The following ARHGAP23 variants were observed in gnomAD, a reference collection of about 807,000 sequenced individuals.
ARHGAP23 encodes rho GTPase-activating protein 23.
A neutral mutation model predicts 136.3 loss-of-function variants in ARHGAP23; 34 were observed. The ratio of observed to expected loss-of-function variants is 0.25; its 90% CI spans 0.19 to 0.33. The LOEUF (loss-of-function observed/expected upper bound fraction) is 0.33. ARHGAP23 is among the 10% of genes least tolerant of loss of function. ARHGAP23 has a pLI of 1.00. For synonymous variants in ARHGAP23, 832 were observed against 920.5 expected, an observed-to-expected ratio of 0.90 and a Z score of 1.74; for missense variants, 1,808 against 2,139.0, an observed-to-expected ratio of 0.85 and a Z score of 3.05.
At chr17:38,436,690 A>T (rs892200781) in intron 1 of ARHGAP23, among the ~76,000 whole-genome samples, 3 of 152,218 alleles carry the variant, frequency 2.0e-5, no homozygotes, top group African/African-American at 7.2e-5. Context: ...CTGTAGAACC[A>T]TGAGTTCTAA....
chr17:38,500,309 G>C, intron 22 of ARHGAP23: 1 of 481,666 alleles, frequency 2.1e-6, no homozygotes, highest in South Asian at 2.9e-5. Flanking sequence ...CAGGCTCAAA[G>C]ACAATGCCCC....
chr17:38,508,503 G>GTGC (rs986363623), intron 23 of ARHGAP23, among the ~76,000 whole-genome samples: 13 of 152,190 alleles, frequency 8.5e-5, no homozygotes, highest in Non-Finnish European at 1.8e-4. Context: ...ATCCTGGTGG[G>GTGC]TGCTGGGGCA....
intron 1 of ARHGAP23, among the ~76,000 whole-genome samples, chr17:38,449,959 G>A (rs1194271537): frequency 6.6e-6 from 1 of 152,172 alleles, no homozygotes; most frequent in Non-Finnish European, 1.5e-5. Flanking sequence ...TGGGACTCAG[G>A]ACGCTCTCCT....
intron 19 of ARHGAP23, 117 bp downstream of exon 19, chr17:38,490,668 C>T (rs1487970911): frequency 2.5e-6 from 2 of 815,194 alleles, no homozygotes; most frequent in Non-Finnish European, 4.2e-6. Context: ...CTAGGCACGC[C>T]CTCCTCCTAT....
chr17:38,427,395 C>T (rs2038586057), upstream of ARHGAP23, among the ~76,000 whole-genome samples: 1 of 150,946 alleles, frequency 6.6e-6, no homozygotes, highest in Non-Finnish European at 1.5e-5. Context: ...AACCTGGGGG[C>T]AGAGGTTTCA....
At chr17:38,501,930 G>A (rs1249599625) in intron 23 of ARHGAP23, among the ~76,000 whole-genome samples, 2 of 150,790 alleles carry the variant, frequency 1.3e-5, no homozygotes, top group Non-Finnish European at 3.0e-5. Flanking sequence ...TATTTAAATA[G>A]TTATTTAAAT....
At chr17:38,498,242 A>T (rs1014195467) in intron 21 of ARHGAP23, among the ~76,000 whole-genome samples, 172 bp from the exon 22 acceptor site, 3 of 152,122 alleles carry the variant, frequency 2.0e-5, no homozygotes, top group Non-Finnish European at 4.4e-5. Flanking sequence ...CTAATAGGGG[A>T]CATGTAGGAA....
chr17:38,501,860 T>C (rs1348866044), intron 23 of ARHGAP23, among the ~76,000 whole-genome samples: 2 of 151,182 alleles, frequency 1.3e-5, no homozygotes, highest in African/African-American at 4.8e-5. Flanking sequence ...TTTTAAACAA[T>C]TTACTTTAAT....
intron 3 of ARHGAP23, 129 bp from the exon 4 acceptor site, chr17:38,462,717 T>C (rs1191449124): frequency 3.0e-6 from 2 of 675,200 alleles, no homozygotes; most frequent in East Asian, 3.0e-5. Flanking sequence ...TCGTGGATGT[T>C]TGAGCCTGTG....
At chr17:38,436,352 T>A (rs1014731953) in intron 1 of ARHGAP23, among the ~76,000 whole-genome samples, 2 of 151,944 alleles carry the variant, frequency 1.3e-5, no homozygotes, top group Non-Finnish European at 2.9e-5. Context: ...CGGGATGTGG[T>A]CTGGGGATGC....
intron 12 of ARHGAP23, 107 bp from the exon 13 acceptor site, chr17:38,479,329 C>T (rs2039974710): frequency 5.8e-6 from 5 of 863,856 alleles, no homozygotes; most frequent in East Asian, 5.3e-5. Flanking sequence ...AGGGTCTGGG[C>T]TGTCCACCTG....
chr17:38,459,338 T>C (rs16965356), intron 2 of ARHGAP23, among the ~76,000 whole-genome samples: 39,830 of 152,150 alleles, frequency 0.26, 5,582 homozygotes, highest in East Asian at 0.42. Context: ...ATATAGTGTC[T>C]GCAAATACAT....
At chr17:38,425,441 TAG>T (rs2038560549), upstream of ARHGAP23, among the ~76,000 whole-genome samples, 1 of 152,196 alleles carries the variant, frequency 6.6e-6, no homozygotes, top group Admixed American at 6.5e-5. Flanking sequence ...GAGTTCTTTA[TAG>T]AGTCACAACT....
chr17:38,444,750 G>A (rs750263125), intron 1 of ARHGAP23, among the ~76,000 whole-genome samples: 3 of 152,140 alleles, frequency 2.0e-5, no homozygotes, highest in Non-Finnish European at 4.4e-5. Flanking sequence ...CAGCTCCTGG[G>A]CAACCTCTGT....
upstream of ARHGAP23, among the ~76,000 whole-genome samples, chr17:38,426,868 C>T (rs1042036364): frequency 6.6e-6 from 1 of 152,128 alleles, no homozygotes; most frequent in African/African-American, 2.4e-5. Flanking sequence ...GACCTGAGTT[C>T]CCAACCCTGA....
At chr17:38,436,228 T>G (rs2038794569) in intron 1 of ARHGAP23, among the ~76,000 whole-genome samples, 1 of 151,884 alleles carries the variant, frequency 6.6e-6, no homozygotes, top group Non-Finnish European at 1.5e-5. Flanking sequence ...CAGGCTGGGG[T>G]TGCCAACATG....
chr17:38,499,393 C>T (rs1019523220), intron 22 of ARHGAP23, among the ~76,000 whole-genome samples: 3 of 152,240 alleles, frequency 2.0e-5, no homozygotes, highest in African/African-American at 7.2e-5. Flanking sequence ...AAACCGGGGC[C>T]CTAAGTCCTG....
chr17:38,511,107 C>T lies in ARHGAP23; in HGVS notation c.*135C>T. The T allele has an allele frequency of 1.0e-6, 1 of 961,630 alleles. No homozygotes were observed. Among genetic ancestry groups the T allele is most frequent in the Non-Finnish European group, 1.4e-6 (1 of 704,480 alleles). 59.6% of individuals were successfully genotyped at this position (961,630 alleles called of 1,614,324 possible). A position where few individuals can be genotyped will look rare whatever the true frequency, so the allele number is the denominator to read the frequency against. ...GGGTGGAGGGCGCAGCAGGCAGTGT[C>T]TCTAGTTGGTGTGCTGGAACTGGCA... On this transcript the variant is annotated 3_prime_UTR_variant, in exon 24 of 24. Transcript: ENST00000622683.
chr17:38,470,149 C>T (rs1159043981), intron 10 of ARHGAP23, among the ~76,000 whole-genome samples: 1 of 152,206 alleles, frequency 6.6e-6, no homozygotes, highest in East Asian at 1.9e-4. Flanking sequence ...CTTTCCAGAC[C>T]CATCCCCCAT....
Sources: allele counts gnomAD v4.1 joint callset (sites outside exome capture counted in the v4.1 genomes callset), GRCh38; gene constraint gnomAD v4.1.1; transcripts MANE v1.5; gene names NCBI Gene and HGNC (gene_info 2026-07-23, HGNC 2026-07-21).